Variants in TPD52L1 observed in about 807,000 individuals in gnomAD.
The protein encoded by TPD52L1 is tumor protein D53.
A neutral mutation model predicts 28.7 loss-of-function variants in TPD52L1; 18 were observed. The observed-to-expected ratio is 0.63, with a 90% CI of 0.43 to 0.93. TPD52L1 has a LOEUF of 0.93. TPD52L1 is among the 40% of genes least tolerant of loss of function. TPD52L1 has a pLI of 0.00. For synonymous variants in TPD52L1, 75 were observed against 88.8 expected, an observed-to-expected ratio of 0.84 and a Z score of 0.88; for missense variants, 203 against 254.8, an observed-to-expected ratio of 0.80 and a Z score of 1.39.
At chr6:125,188,213 T>C (rs1792779133) in intron 1 of TPD52L1, among the ~76,000 whole-genome samples, 1 of 152,186 alleles carries the variant, frequency 6.6e-6, no homozygotes. Flanking sequence ...TTTACAGTGC[T>C]TCTCTCCTCT....
At chr6:125,221,221 A>G (rs1479786009) in intron 2 of TPD52L1, among the ~76,000 whole-genome samples, 1 of 152,240 alleles carries the variant, frequency 6.6e-6, no homozygotes, top group East Asian at 1.9e-4. Context: ...TTCCTCTGGT[A>G]TAACCAAAAA....
intron 1 of TPD52L1, among the ~76,000 whole-genome samples, chr6:125,211,778 A>G (rs1794533328): frequency 6.6e-6 from 1 of 152,240 alleles, no homozygotes; most frequent in Non-Finnish European, 1.5e-5. Flanking sequence ...GGCAACAGGA[A>G]TAAAACACAC....
chr6:125,189,582 T>C (rs1198709287), intron 1 of TPD52L1, among the ~76,000 whole-genome samples: 1 of 152,210 alleles, frequency 6.6e-6, no homozygotes, highest in Non-Finnish European at 1.5e-5. Context: ...GTCATTTACT[T>C]AATTTTTTTA....
At chr6:125,216,892 G>A (rs1419534123) in intron 1 of TPD52L1, among the ~76,000 whole-genome samples, 2 of 151,958 alleles carry the variant, frequency 1.3e-5, no homozygotes, top group Non-Finnish European at 2.9e-5. Context: ...GAATACCAGG[G>A]ACTCAAGAGA....
chr6:125,229,302 C>T, intron 3 of TPD52L1, 36 bp downstream of exon 3: 3 of 1,567,334 alleles, frequency 1.9e-6, no homozygotes, highest in South Asian at 1.2e-5. Flanking sequence ...ATTAACTCAG[C>T]CTGATGTCTC....
At chr6:125,195,795 C>A (rs1468914321) in intron 1 of TPD52L1, among the ~76,000 whole-genome samples, 1 of 152,196 alleles carries the variant, frequency 6.6e-6, no homozygotes, top group Non-Finnish European at 1.5e-5. Context: ...CTTTCTGCAA[C>A]TTCTCAGACC....
At chr6:125,212,892 A>T (rs1794614406) in intron 1 of TPD52L1, among the ~76,000 whole-genome samples, 2 of 152,218 alleles carry the variant, frequency 1.3e-5, no homozygotes. Context: ...AACATTTGAC[A>T]AATATTTTAA....
chr6:125,185,556 A>G (rs1384638140), intron 1 of TPD52L1, among the ~76,000 whole-genome samples: 8 of 152,152 alleles, frequency 5.3e-5, no homozygotes, highest in Admixed American at 2.0e-4. Context: ...GAAATTCTGA[A>G]CTATCTAGAA....
chr6:125,170,994 C>T (rs957471816), intron 1 of TPD52L1, among the ~76,000 whole-genome samples: 7 of 152,108 alleles, frequency 4.6e-5, no homozygotes, highest in African/African-American at 1.7e-4. Flanking sequence ...ATGTGTATTC[C>T]TCATCCCAAG....
At chr6:125,156,974 T>A (rs549610795) in intron 1 of TPD52L1, among the ~76,000 whole-genome samples, 77 of 152,336 alleles carry the variant, frequency 5.1e-4, no homozygotes, top group Middle Eastern at 6.8e-3. Context: ...AGCAGAGATA[T>A]TGAGTTATTT....
intron 3 of TPD52L1, among the ~76,000 whole-genome samples, chr6:125,236,763 T>C (rs1796280959): frequency 6.6e-6 from 1 of 152,140 alleles, no homozygotes; most frequent in Admixed American, 6.6e-5. Context: ...CAATAGACTT[T>C]CTTCCTTTCC....
chr6:125,175,443 ATGT>A (rs1791763115), intron 1 of TPD52L1, among the ~76,000 whole-genome samples: 1 of 152,210 alleles, frequency 6.6e-6, no homozygotes, highest in African/African-American at 2.4e-5. Flanking sequence ...CTGGTATTAA[ATGT>A]TGTTCCCAAC....
chr6:125,167,237 C>G (rs1365410766), intron 1 of TPD52L1, among the ~76,000 whole-genome samples: 2 of 152,072 alleles, frequency 1.3e-5, no homozygotes, highest in East Asian at 3.9e-4. Flanking sequence ...AGAGCAAGAC[C>G]CTGTCTCAAA....
intron 1 of TPD52L1, among the ~76,000 whole-genome samples, chr6:125,204,882 A>T (rs1794019051): frequency 6.6e-6 from 1 of 152,218 alleles, no homozygotes; most frequent in Non-Finnish European, 1.5e-5. Flanking sequence ...GTGAACAAGG[A>T]AGCAGTGATA....
chr6:125,161,493 A>G (rs1790520794), intron 1 of TPD52L1, among the ~76,000 whole-genome samples: 1 of 152,138 alleles, frequency 6.6e-6, no homozygotes, highest in Non-Finnish European at 1.5e-5. Context: ...CTTCCTTGCT[A>G]AGTTTAATCA....
intron 1 of TPD52L1, among the ~76,000 whole-genome samples, chr6:125,161,905 G>A (rs1370967363): frequency 6.6e-6 from 1 of 152,166 alleles, no homozygotes; most frequent in African/African-American, 2.4e-5. Context: ...CACAACCTGG[G>A]GTTGCCACAA....
chr6:125,217,619 G>A (rs77374887), intron 1 of TPD52L1, among the ~76,000 whole-genome samples: 10,850 of 152,150 alleles, frequency 0.071, 512 homozygotes, highest in South Asian at 0.16. Context: ...CTCACCTCCC[G>A]TGGTGTGATC....
chr6:125,204,294 A>T (rs1793972362), intron 1 of TPD52L1, among the ~76,000 whole-genome samples: 1 of 152,172 alleles, frequency 6.6e-6, no homozygotes, highest in South Asian at 2.1e-4. Flanking sequence ...AAGGAACAAG[A>T]TGCATTAACA....
intron 5 of TPD52L1, 89 bp downstream of exon 5, chr6:125,253,844 CT>C (rs768397891): frequency 2.4e-6 from 3 of 1,247,856 alleles, no homozygotes; most frequent in East Asian, 4.6e-5. Context: ...GGTTCCTCTG[CT>C]TTATGTGAAA....
Sources: gnomAD v4.1 joint callset for allele counts (sites outside exome capture counted in the v4.1 genomes callset) on GRCh38, gnomAD v4.1.1 for gene constraint, MANE v1.5 for transcripts, NCBI Gene and HGNC (gene_info 2026-07-23, HGNC 2026-07-21) for gene names.